Variants in XRCC6 observed in about 807,000 individuals in gnomAD.
The protein encoded by XRCC6 is X-ray repair cross complementing 6.
In XRCC6, 5 loss-of-function variants were observed where a neutral mutation model predicts 65.7. The ratio of observed to expected loss-of-function variants is 0.08; its 90% CI spans 0.04 to 0.16. The LOEUF is 0.16. XRCC6 is among the 10% of genes least tolerant of loss of function. The probability of loss-of-function intolerance (pLI) is 1.00; values close to 1 mark genes in which losing one functional copy is unlikely to be tolerated. For missense variants in XRCC6, 447 were observed against 738.1 expected (o/e 0.61, Z 4.57); for synonymous variants, 270 against 270.6 (o/e 1.00, Z 0.02).
chr22:41,631,863 C>T lies in XRCC6; in HGVS notation c.195+3633C>T, dbSNP rs544540805. 8.5e-5 allele frequency among the ~76,000 whole-genome samples: 13 copies of T among 152,262 alleles called. No individual in the cohort carries two copies. The South Asian group carries it at 1.9e-3, about 22-fold the overall frequency. ...ATTGAGCACTGAGTGAACCAGACAC[C>T]GTCTGCAATCCCGGCACCTCCGGAG... On this transcript the variant is annotated intron_variant, in intron 3 of 12. Coordinates refer to ENST00000360079, the MANE Select transcript of XRCC6 (RefSeq NM_001469.5).
intron 2 of XRCC6, among the ~76,000 whole-genome samples, chr22:41,625,278 G>T (rs990810246): frequency 6.6e-6 from 1 of 152,196 alleles, no homozygotes; most frequent in African/African-American, 2.4e-5. Context: ...CATGTTTAAG[G>T]TTCTTGACAC....
At chr22:41,625,701 A>G (rs933671337) in intron 2 of XRCC6, among the ~76,000 whole-genome samples, 1 of 152,188 alleles carries the variant, frequency 6.6e-6, no homozygotes, top group African/African-American at 2.4e-5. Context: ...AAGGTGGCTC[A>G]TGCCTGTAAT....
chr22:41,643,543 G>A (rs953064613), intron 6 of XRCC6, among the ~76,000 whole-genome samples: 8 of 152,066 alleles, frequency 5.3e-5, no homozygotes, highest in African/African-American at 1.4e-4. Context: ...TTTTCTGGCC[G>A]GGCGCGCTGG....
chr22:41,636,271 C>G lies in XRCC6; in HGVS notation c.334+20C>G, dbSNP rs1441530999. On this transcript the variant is annotated intron_variant, in intron 4 of 12. Transcript: ENST00000360079. ...ATCCAGGTCAGTAATATTTTAAGAT[C>G]AGCTTTTCCCTTATATATGAGAATA... 6.4e-7 allele frequency: 1 copy of G among 1,570,044 alleles called. No homozygotes were observed. The highest frequency in any genetic ancestry group is 1.2e-5 in the South Asian group (1 of 82,988).
At position 41,649,139 on chromosome 22, in the gene XRCC6, A is replaced by AATATATATAT. The variant is rs1555906700; in HGVS notation, c.961-1569_961-1560dup. Among the ~76,000 whole-genome samples the AATATATATAT allele has an allele frequency of 7.1e-4, 63 of 88,718 alleles. 1 individual carries two copies. Among genetic ancestry groups the AATATATATAT allele is most frequent in the South Asian group, 3.5e-3 (8 of 2,294 alleles). 58.2% of individuals were successfully genotyped at this position (88,718 alleles called of 152,430 possible). On this transcript the variant is annotated intron_variant, in intron 7 of 12. Transcript: ENST00000360079. ...GGGAAGAGAGTACAAAAAAAAAAAA[A>AATATATATAT]ATATATATATATATATATATATATG...
chr22:41,644,291 T>C (rs969985315), intron 6 of XRCC6, among the ~76,000 whole-genome samples: 16 of 152,234 alleles, frequency 1.1e-4, no homozygotes, highest in African/African-American at 3.9e-4. Context: ...TTAAGGAACA[T>C]ACTTTATGGG....
intron 11 of XRCC6, among the ~76,000 whole-genome samples, chr22:41,658,847 G>T (rs957793435): frequency 3.9e-5 from 6 of 152,128 alleles, no homozygotes; most frequent in African/African-American, 1.2e-4. Flanking sequence ...AGGAAGATCG[G>T]TTGAACTCAG....
chr22:41,629,340 A>C (rs2067714650), intron 3 of XRCC6, among the ~76,000 whole-genome samples: 1 of 152,226 alleles, frequency 6.6e-6, no homozygotes. Flanking sequence ...ATGGCTAAAC[A>C]GTGGCATATA....
chr22:41,662,376 T>A (rs975183860), intron 12 of XRCC6, among the ~76,000 whole-genome samples: 3 of 152,042 alleles, frequency 2.0e-5, no homozygotes, highest in African/African-American at 4.8e-5. Context: ...AATGAAAAAA[T>A]TTTAGAAAAG....
intron 6 of XRCC6, among the ~76,000 whole-genome samples, chr22:41,639,663 C>CTTTTTTTT (rs2067852782): frequency 3.4e-5 from 1 of 29,820 alleles, no homozygotes; most frequent in Non-Finnish European, 6.6e-5. Context: ...CCTAGATTCT[C>CTTTTTTTT]TCTCTTTTTT....
intron 6 of XRCC6, among the ~76,000 whole-genome samples, chr22:41,644,999 A>G (rs1258925152): frequency 6.6e-6 from 1 of 152,028 alleles, no homozygotes; most frequent in Non-Finnish European, 1.5e-5. Context: ...TTGAGTGGCA[A>G]GCAATAAAAA....
chr22:41,627,609 CAAAAAAA>C (rs71184821), intron 2 of XRCC6, among the ~76,000 whole-genome samples: 2 of 97,510 alleles, frequency 2.1e-5, no homozygotes, highest in Admixed American at 1.3e-4. Context: ...GACTCCGTCT[CAAAAAAA>C]AAAAAAAAAA....
chr22:41,642,726 C>CA (rs940283539), intron 6 of XRCC6, among the ~76,000 whole-genome samples: 15 of 150,858 alleles, frequency 9.9e-5, no homozygotes, highest in Non-Finnish European at 1.6e-4. Flanking sequence ...ACCCTGTCTA[C>CA]AAAAAAAAAT....
chr22:41,638,002 C>T (rs368658644), intron 6 of XRCC6, among the ~76,000 whole-genome samples: 2 of 150,926 alleles, frequency 1.3e-5, no homozygotes, highest in South Asian at 2.1e-4. Flanking sequence ...TGCACTGCTA[C>T]ACATTGCTTA....
chr22:41,638,569 AG>A, intron 6 of XRCC6, among the ~76,000 whole-genome samples: 1 of 152,252 alleles, frequency 6.6e-6, no homozygotes, highest in East Asian at 1.9e-4. Flanking sequence ...GTGGATCACA[AG>A]TTCAAGAGAT....
chr22:41,647,135 G>A, intron 7 of XRCC6, 53 bp downstream of exon 7: 36 of 1,592,090 alleles, frequency 2.3e-5, no homozygotes, highest in Non-Finnish European at 3.1e-5. Context: ...GTCTCATTGT[G>A]TCGCCCAGGC....
chr22:41,644,785 G>A (rs978926637), intron 6 of XRCC6, among the ~76,000 whole-genome samples: 7 of 151,868 alleles, frequency 4.6e-5, no homozygotes, highest in Non-Finnish European at 8.8e-5. Flanking sequence ...CACTGCACCC[G>A]GCCTGCAGAA....
chr22:41,661,208 C>G (rs1363489623), intron 11 of XRCC6, 123 bp from the exon 12 acceptor site: 1 of 775,512 alleles, frequency 1.3e-6, no homozygotes, highest in Non-Finnish European at 2.1e-6. Context: ...AGACATTTCC[C>G]TAGACCCCTC....
chr22:41,638,327 C>T (rs2067833122), intron 6 of XRCC6, among the ~76,000 whole-genome samples: 1 of 152,136 alleles, frequency 6.6e-6, no homozygotes, highest in African/African-American at 2.4e-5. Flanking sequence ...GAGGGTACTT[C>T]ACACACCCAG....
Sources: gnomAD v4.1 joint callset for allele counts (sites outside exome capture counted in the v4.1 genomes callset) on GRCh38, gnomAD v4.1.1 for gene constraint, MANE v1.5 for transcripts, NCBI Gene and HGNC (gene_info 2026-07-23, HGNC 2026-07-21) for gene names.